EYS: variants seen among roughly 807,000 people sequenced by gnomAD.
EYS encodes the protein EGF-like photoreceptor maintenance factor.
In EYS, 250 loss-of-function variants were observed where a neutral mutation model predicts 282.1. That is an observed-to-expected ratio of 0.89 (90% CI 0.80 to 0.98). EYS has a LOEUF of 0.98. EYS is among the 50% of genes least tolerant of loss of function. EYS has a pLI of 0.00. For missense variants in EYS, 4,016 were observed against 3,709.0 expected (o/e 1.08, Z -2.15); for synonymous variants, 1,355 against 1,282.9 (o/e 1.06, Z -1.20).
chr6:64,196,149 A>C (rs891283139), intron 31 of EYS, among the ~76,000 whole-genome samples: 1 of 152,220 alleles, frequency 6.6e-6, no homozygotes, highest in Non-Finnish European at 1.5e-5. Flanking sequence ...AAAAATGCTC[A>C]TCATCACTGG....
rs143349716 is a variant in EYS at position 64,249,184 on chromosome 6, A to G, written c.6192-18360T>C. Among the ~76,000 whole-genome samples, 342 of 152,224 alleles carry G rather than the reference A, an allele frequency of 2.2e-3. 2 individuals carry two copies. Among genetic ancestry groups the G allele is most frequent in the African/African-American group, 7.4e-3 (309 of 41,542 alleles). On this transcript the variant is annotated intron_variant, in intron 30 of 42. Transcript: ENST00000503581. ...TAATAGATTATTGGACAAAGAAAAT[A>G]CAGTATATATAGCCATAAAGAAGAA...
intron 13 of EYS, among the ~76,000 whole-genome samples, chr6:65,006,184 T>C (rs1290113702): frequency 6.7e-6 from 1 of 150,250 alleles, no homozygotes; most frequent in Non-Finnish European, 1.5e-5. Context: ...AAGTTTGTAA[T>C]GGCTAAGAGA....
intron 5 of EYS, among the ~76,000 whole-genome samples, chr6:65,421,936 G>A (rs929996987): frequency 6.6e-6 from 1 of 151,886 alleles, no homozygotes; most frequent in Non-Finnish European, 1.5e-5. Context: ...AATGATCACA[G>A]AGCCCCATGT....
chr6:64,107,724 T>A (rs1773079553), intron 31 of EYS, among the ~76,000 whole-genome samples: 1 of 152,034 alleles, frequency 6.6e-6, no homozygotes, highest in Admixed American at 6.6e-5. Flanking sequence ...ATTCCTCATA[T>A]TTTTTTGTTG....
chr6:64,010,757 G>C (rs1307632396), intron 33 of EYS, among the ~76,000 whole-genome samples: 1 of 152,096 alleles, frequency 6.6e-6, no homozygotes, highest in Non-Finnish European at 1.5e-5. Context: ...TTTTGACACT[G>C]AAACCGGAAT....
intron 31 of EYS, among the ~76,000 whole-genome samples, chr6:64,124,665 A>T (rs1773701709): frequency 6.6e-6 from 1 of 152,132 alleles, no homozygotes. Context: ...ATGGCCAAAA[A>T]TTTTCGTGTG....
At chr6:65,622,354 A>G (rs898084049) in intron 2 of EYS, among the ~76,000 whole-genome samples, 6 of 152,220 alleles carry the variant, frequency 3.9e-5, no homozygotes, top group African/African-American at 1.4e-4. Context: ...CTTGAAATAC[A>G]TCAACTTTTT....
chr6:64,314,038 G>A (rs1054196577), intron 29 of EYS, among the ~76,000 whole-genome samples: 1 of 151,764 alleles, frequency 6.6e-6, no homozygotes, highest in African/African-American at 2.4e-5. Flanking sequence ...AAATGTAAAT[G>A]GGCTAAATGC....
At chr6:65,359,218 T>C (rs951478783) in intron 8 of EYS, among the ~76,000 whole-genome samples, 1 of 152,052 alleles carries the variant, frequency 6.6e-6, no homozygotes, top group African/African-American at 2.4e-5. Context: ...AAGTAATCTA[T>C]TTCTTGTATC....
chr6:65,693,202 C>G (rs938361348), intron 1 of EYS, among the ~76,000 whole-genome samples: 4 of 149,374 alleles, frequency 2.7e-5, no homozygotes, highest in African/African-American at 9.8e-5. Flanking sequence ...TCCAGCCTTA[C>G]TTCTGTTTTA....
chr6:65,176,598 C>T (rs1765232307), intron 12 of EYS, among the ~76,000 whole-genome samples: 1 of 151,718 alleles, frequency 6.6e-6, no homozygotes, highest in Middle Eastern at 3.4e-3. Flanking sequence ...AACTTCCATT[C>T]TTCATCCACA....
intron 15 of EYS, among the ~76,000 whole-genome samples, chr6:64,913,000 G>C (rs912646560): frequency 8.5e-5 from 13 of 152,128 alleles, no homozygotes; most frequent in Admixed American, 3.3e-4. Flanking sequence ...TTAGGCCTCT[G>C]AGACATGTCA....
chr6:65,071,639 C>T (rs1477928522), intron 12 of EYS, among the ~76,000 whole-genome samples: 2 of 151,822 alleles, frequency 1.3e-5, no homozygotes, highest in Non-Finnish European at 2.9e-5. Context: ...CAATGTGTCA[C>T]ATACATCTGT....
intron 22 of EYS, among the ~76,000 whole-genome samples, chr6:64,660,235 C>T (rs1160228567): frequency 3.7e-4 from 56 of 149,912 alleles, no homozygotes; most frequent in South Asian, 8.5e-4. Context: ...TGGGAAGTAT[C>T]TCAAAATAAT....
intron 12 of EYS, among the ~76,000 whole-genome samples, chr6:65,259,835 C>G (rs77317736): frequency 0.027 from 4,073 of 152,044 alleles, 169 homozygotes; most frequent in African/African-American, 0.091. Context: ...ATGACTAAGA[C>G]CCAGGATACA....
chr6:64,692,387 T>C (rs1228616244), intron 22 of EYS, among the ~76,000 whole-genome samples: 2 of 152,146 alleles, frequency 1.3e-5, no homozygotes, highest in Admixed American at 1.3e-4. Flanking sequence ...AGATGGATAG[T>C]TTGTGAACAT....
chr6:64,308,980 A>T (rs1769566376), intron 29 of EYS, among the ~76,000 whole-genome samples: 1 of 151,102 alleles, frequency 6.6e-6, no homozygotes, highest in African/African-American at 2.5e-5. Flanking sequence ...TTTAGATTTA[A>T]TTCTTATTTT....
intron 33 of EYS, among the ~76,000 whole-genome samples, chr6:64,048,134 G>A (rs1770689858): frequency 6.6e-6 from 1 of 152,086 alleles, no homozygotes; most frequent in Non-Finnish European, 1.5e-5. Flanking sequence ...TCAAACTCCT[G>A]ACCTCAGGTG....
chr6:64,534,262 C>G (rs529766194), intron 26 of EYS, among the ~76,000 whole-genome samples: 1 of 151,894 alleles, frequency 6.6e-6, no homozygotes, highest in South Asian at 2.1e-4. Context: ...GTTTTGGTTT[C>G]AAGGCATTTA....
Sources: gnomAD v4.1 joint callset for allele counts (sites outside exome capture counted in the v4.1 genomes callset) on GRCh38, gnomAD v4.1.1 for gene constraint, MANE v1.5 for transcripts, NCBI Gene and HGNC (gene_info 2026-07-23, HGNC 2026-07-21) for gene names.